The following SOX6 variants were observed in gnomAD, a reference collection of about 807,000 sequenced individuals.
SOX6 encodes SRY-box transcription factor 6, also known as transcription factor SOX-6.
SOX6 carries 11 observed loss-of-function variants against 97.8 expected under a neutral mutation model. That is an observed-to-expected ratio of 0.11 (90% CI 0.07 to 0.19). The LOEUF (loss-of-function observed/expected upper bound fraction) is 0.19, where lower values mean the gene tolerates loss of function less well. SOX6 is among the 10% of genes least tolerant of loss of function. SOX6 has a pLI of 1.00. For synonymous variants in SOX6, 360 were observed against 371.4 expected (o/e 0.97, Z 0.35); for missense variants, 810 against 1,039.5 (o/e 0.78, Z 3.04).
intron 4 of SOX6, among the ~76,000 whole-genome samples, chr11:16,585,927 C>T (rs1848087551): frequency 1.3e-5 from 2 of 152,084 alleles, no homozygotes; most frequent in Non-Finnish European, 2.9e-5. Context: ...AAGCAATCCA[C>T]CTGCCTCAGC....
At position 16,373,824 on chromosome 11, in the gene SOX6, G is replaced by C. The variant is rs535034019; in HGVS notation, c.-4-32572C>G. On this transcript the variant is annotated intron_variant, in intron 1 of 15. Transcript: ENST00000396356. ...AAGGGGGAGGGAGGGAGGGAGAGAG[G>C]AAGGAAGGAAGGAAGGAAGGAAGGA... is the stretch of plus-strand genomic sequence containing the variant. Among the ~76,000 whole-genome samples, 3 of 12,238 alleles carry C rather than the reference G, an allele frequency of 2.5e-4. No individual in the cohort carries two copies. In the Admixed American group the frequency reaches 3.0e-3, roughly 12 times the overall value. The allele number at this position is 12,238 out of a possible 152,430, so 8.0% of individuals were successfully genotyped here.
intron 9 of SOX6, 103 bp from the exon 10 acceptor site, chr11:16,056,004 T>A: frequency 7.7e-7 from 1 of 1,303,368 alleles, no homozygotes; most frequent in Non-Finnish European, 1.1e-6. Context: ...GACAGCCTTG[T>A]AATTTCTTTT....
At chr11:16,455,062 T>G (rs1487006846) in intron 1 of SOX6, among the ~76,000 whole-genome samples, 1 of 152,056 alleles carries the variant, frequency 6.6e-6, no homozygotes, top group Non-Finnish European at 1.5e-5. Flanking sequence ...CCCCACATAT[T>G]TATCATGTGG....
intron 3 of SOX6, among the ~76,000 whole-genome samples, chr11:16,628,706 C>T (rs1331210408): frequency 6.6e-6 from 1 of 151,912 alleles, no homozygotes; most frequent in Admixed American, 6.6e-5. Context: ...CTGTAGGTTG[C>T]TTTGAGCAGT....
chr11:15,971,106 G>A lies in SOX6; in HGVS notation c.*1703C>T, dbSNP rs1022847019. 3 of 152,510 alleles carry A rather than the reference G, an allele frequency of 2.0e-5. No homozygotes were observed. The highest frequency in any genetic ancestry group is 4.4e-5 in the Non-Finnish European group (3 of 68,074). The allele number at this position is 152,510 out of a possible 1,614,324, so 9.4% of individuals were successfully genotyped here. A position where few individuals can be genotyped will look rare whatever the true frequency, so the allele number is the denominator to read the frequency against. Reference sequence around the variant, plus strand: ...AGGTCCCCATGTGGCTACAGATAGAGTCAGCCAGAGGAACTCATCTGCTGC... The same window carrying A: ...AGGTCCCCATGTGGCTACAGATAGAATCAGCCAGAGGAACTCATCTGCTGC... On this transcript the variant is annotated 3_prime_UTR_variant, in exon 16 of 16. Transcript: ENST00000683767.
chr11:16,283,089 G>GTGTATATATATATATATATATA (rs370335142), intron 3 of SOX6, among the ~76,000 whole-genome samples: 5 of 113,710 alleles, frequency 4.4e-5, no homozygotes, highest in African/African-American at 7.0e-5. Flanking sequence ...TATATAATTT[G>GTGTATATATATATATATATATA]TATATATATA....
chr11:16,258,860 T>A (rs1853782890), intron 3 of SOX6, among the ~76,000 whole-genome samples: 1 of 151,532 alleles, frequency 6.6e-6, no homozygotes, highest in Non-Finnish European at 1.5e-5. Flanking sequence ...TATACATATA[T>A]ATACACACAT....
At chr11:16,356,847 C>T (rs1310132791), upstream of SOX6, among the ~76,000 whole-genome samples, 1 of 151,804 alleles carries the variant, frequency 6.6e-6, no homozygotes, top group Non-Finnish European at 1.5e-5. Flanking sequence ...TCCCACAGTC[C>T]CCATTAAAAA....
intron 6 of SOX6, among the ~76,000 whole-genome samples, chr11:16,162,426 C>A (rs1274951430): frequency 6.6e-6 from 1 of 152,126 alleles, no homozygotes; most frequent in Non-Finnish European, 1.5e-5. Context: ...ACGTTGGAGG[C>A]AGGGCCTGGT....
intron 1 of SOX6, among the ~76,000 whole-genome samples, chr11:16,349,446 T>C (rs1856851575): frequency 6.7e-6 from 1 of 148,150 alleles, no homozygotes; most frequent in South Asian, 2.1e-4. Flanking sequence ...GTGAAACCTG[T>C]CTCTACTAAA....
At chr11:16,091,395 C>G (rs1331783933) in intron 9 of SOX6, among the ~76,000 whole-genome samples, 1 of 151,970 alleles carries the variant, frequency 6.6e-6, no homozygotes, top group Non-Finnish European at 1.5e-5. Context: ...AAAGCTAACT[C>G]CATCACCCTC....
intron 4 of SOX6, among the ~76,000 whole-genome samples, chr11:16,545,108 AC>A (rs1847602814): frequency 6.6e-6 from 1 of 152,116 alleles, no homozygotes; most frequent in African/African-American, 2.4e-5. Context: ...AATAAAAAAA[AC>A]ACACTGGATT....
chr11:15,989,161 G>T lies in SOX6; in HGVS notation c.1802C>A (p.Thr601Asn), dbSNP rs1031860285. 3 of 1,614,026 alleles carry T rather than the reference G, an allele frequency of 1.9e-6. No homozygotes were observed. The highest frequency in any genetic ancestry group is 1.7e-6 in the Non-Finnish European group (2 of 1,179,986). ...CCTGTAGACTCGTGCTTCAGCCACA[G>T]TGGCACCTCCTGTTGGCCAACAATA... ...QYYCWPTGGATVAEARVYRDA... is the reference protein window; with the variant it reads ...QYYCWPTGGANVAEARVYRDA... Residue 601 changes from threonine (T) to asparagine (N), a missense_variant, in exon 14 of 16, where the codon ACT becomes AAT. Coordinates refer to ENST00000683767, the MANE Select transcript of SOX6 (RefSeq NM_001367873.1).
chr11:16,734,629 GC>G (rs1848378144), intron 2 of SOX6, among the ~76,000 whole-genome samples: 1 of 152,122 alleles, frequency 6.6e-6, no homozygotes, highest in Non-Finnish European at 1.5e-5. Context: ...TAACTTTGAA[GC>G]CCATATTTTT....
At chr11:16,543,311 A>G (rs1861435703) in intron 4 of SOX6, among the ~76,000 whole-genome samples, 1 of 152,160 alleles carries the variant, frequency 6.6e-6, no homozygotes, top group Non-Finnish European at 1.5e-5. Flanking sequence ...CTTTAACGGT[A>G]ATATCACTTT....
chr11:16,624,319 C>G (rs1001866653), intron 3 of SOX6, among the ~76,000 whole-genome samples: 4 of 151,976 alleles, frequency 2.6e-5, no homozygotes, highest in Non-Finnish European at 5.9e-5. Flanking sequence ...TCCCAAGTAG[C>G]TGGGACTACA....
Position 16,076,594 on chromosome 11 carries a change from G to A in SOX6, c.1101+19402C>T, listed in dbSNP as rs183203967. On this transcript the variant is annotated intron_variant, in intron 9 of 15. Coordinates refer to ENST00000683767, the MANE Select transcript of SOX6 (RefSeq NM_001367873.1). ...TCTATGAAGAAAAAAGTTTTAATTG[G>A]CTCATGGTTCTGCAGGCTGTACAGG... 1.1e-3 allele frequency among the ~76,000 whole-genome samples: 164 copies of A among 152,142 alleles called. 1 individual carries two copies. Among genetic ancestry groups the A allele is most frequent in the African/African-American group, 3.8e-3 (156 of 41,522 alleles).
chr11:16,420,949 A>AGAC (rs1859009167), intron 1 of SOX6, among the ~76,000 whole-genome samples: 1 of 152,218 alleles, frequency 6.6e-6, no homozygotes, highest in Non-Finnish European at 1.5e-5. Flanking sequence ...CATTTAGCTA[A>AGAC]GACTTCTTAA....
intron 4 of SOX6, among the ~76,000 whole-genome samples, chr11:16,580,256 T>G (rs923455600): frequency 1.3e-5 from 2 of 152,032 alleles, no homozygotes; most frequent in African/African-American, 4.8e-5. Context: ...ATTTATAAAT[T>G]TCTAGAATGG....
Sources: gnomAD v4.1 joint callset for allele counts (sites outside exome capture counted in the v4.1 genomes callset) on GRCh38, gnomAD v4.1.1 for gene constraint, MANE v1.5 for transcripts, NCBI Gene and HGNC (gene_info 2026-07-23, HGNC 2026-07-21) for gene names.